Variants in FASLG observed in about 807,000 individuals in gnomAD.
The protein encoded by FASLG is Fas ligand, also known as tumor necrosis factor ligand superfamily member 6.
Under a neutral mutation model 24.6 loss-of-function variants are expected in FASLG, and 9 were observed. The ratio of observed to expected loss-of-function variants is 0.37; its 90% confidence interval spans 0.22 to 0.64. The LOEUF (loss-of-function observed/expected upper bound fraction) is 0.64, where lower values mean the gene tolerates loss of function less well. Among genes scored for constraint, FASLG ranks in the 30% least tolerant of loss-of-function variants. FASLG has a pLI of 0.64. For missense variants in FASLG, 306 were observed against 345.3 expected, an observed-to-expected ratio of 0.89 and a Z score of 0.90; for synonymous variants, 130 against 135.5, an observed-to-expected ratio of 0.96 and a Z score of 0.28.
Position 172,659,168 on chromosome 1 carries a change from C to G in FASLG, c.-34C>G, listed in dbSNP as rs752605458. On this transcript the variant is annotated 5_prime_UTR_variant, in exon 1 of 4. Transcript: ENST00000367721. The stretch of plus-strand genomic sequence containing the variant: ...CTACAGGACTGAGAAGAAGTAAAAC[C>G]GTTTGCTGGGGCTGGCCTGACTCAC... 2 of 1,613,890 alleles carry G rather than the reference C, an allele frequency of 1.2e-6. No homozygotes were observed. The highest frequency in any genetic ancestry group is 1.7e-6 in the Non-Finnish European group (2 of 1,179,936).
Position 172,659,188 on chromosome 1 carries a change from A to C in FASLG, c.-14A>C, listed in dbSNP as rs1327025096. 6 of 1,613,954 alleles carry C rather than the reference A, an allele frequency of 3.7e-6. No homozygotes were observed. The highest frequency in any genetic ancestry group is 4.2e-6 in the Non-Finnish European group (5 of 1,179,984). On this transcript the variant is annotated 5_prime_UTR_variant, in exon 1 of 4. Transcript: ENST00000367721. The stretch of plus-strand genomic sequence containing the variant: ...AAAACCGTTTGCTGGGGCTGGCCTG[A>C]CTCACCAGCTGCCATGCAGCAGCCC...
In FASLG at chr1:172,666,744, CTAAT is replaced by C. The variant is rs1223719285; in HGVS notation, c.*729_*732del. On this transcript the variant is annotated 3_prime_UTR_variant, in exon 4 of 4. Coordinates refer to ENST00000367721, the MANE Select transcript of FASLG (RefSeq NM_000639.3). ...TTTGAATGCTTCCTGACAATCAACT[CTAAT>C]AGTGCTTAAAAATCATTGATTGTCA... The C allele has an allele frequency of 6.6e-6, 1 of 152,460 alleles. No individual in the cohort carries two copies. The highest frequency in any genetic ancestry group is 1.5e-5 in the Non-Finnish European group (1 of 67,992). The allele number at this position is 152,460 out of a possible 1,614,324, so 9.4% of individuals were successfully genotyped here. A position where few individuals can be genotyped will look rare whatever the true frequency, so the allele number is the denominator to read the frequency against.
intron 2 of FASLG, among the ~76,000 whole-genome samples, chr1:172,662,563 G>A (rs544285203): frequency 6.7e-6 from 1 of 148,388 alleles, no homozygotes; most frequent in South Asian, 2.2e-4. Context: ...TTAAGGAGGT[G>A]TTGTTTACGC....
At chr1:172,663,478 G>A (rs1382223030) in intron 2 of FASLG, among the ~76,000 whole-genome samples, 4 of 152,124 alleles carry the variant, frequency 2.6e-5, no homozygotes, top group Non-Finnish European at 5.9e-5. Flanking sequence ...TAGTCCTTAT[G>A]GGATGTTTAG....
intron 3 of FASLG, 89 bp downstream of exon 3, chr1:172,664,479 G>A (rs1558234902): frequency 7.9e-7 from 1 of 1,264,644 alleles, no homozygotes; most frequent in South Asian, 1.2e-5. Flanking sequence ...AGGCTCTAGA[G>A]AGTTGTTACT....
intron 2 of FASLG, among the ~76,000 whole-genome samples, chr1:172,663,410 C>A (rs988610246): frequency 2.0e-5 from 3 of 152,028 alleles, no homozygotes; most frequent in Admixed American, 6.5e-5. Context: ...AAAAGAGGGG[C>A]AGATCATATT....
rs1279277307 is a variant in FASLG, at chr1:172,665,603, C to G, written c.452-19C>G. 2 of 1,609,758 alleles carry G rather than the reference C, an allele frequency of 1.2e-6. No individual in the cohort carries two copies. Among genetic ancestry groups the G allele is most frequent in the Non-Finnish European group, 1.7e-6 (2 of 1,179,976 alleles). On this transcript the variant is annotated intron_variant, in intron 3 of 3. Coordinates refer to ENST00000367721, the MANE Select transcript of FASLG (RefSeq NM_000639.3). The stretch of plus-strand genomic sequence containing the variant: ...GCATGACTATTCCTTGTTGAAAGCT[C>G]CTTTTGGATTTATTTCAGGCAAGTC...
At chr1:172,662,996 T>C (rs991784267) in intron 2 of FASLG, among the ~76,000 whole-genome samples, 17 of 152,164 alleles carry the variant, frequency 1.1e-4, no homozygotes, top group African/African-American at 4.1e-4. Context: ...GAGGTCATGA[T>C]TGCTCAGCTA....
rs750915314 is a variant in FASLG at position 172,660,126 on chromosome 1, T to C, written c.380T>C (p.Leu127Ser). The C allele has an allele frequency of 1.2e-6, 2 of 1,614,170 alleles. No homozygotes were observed. The highest frequency in any genetic ancestry group is 3.3e-5 in the Admixed American group (2 of 60,022). Residue 127 changes from leucine to serine, a missense_variant, in exon 2 of 4, where the codon TTG becomes TCG. By Grantham distance (145) the Leu-to-Ser change is moderately radical. Coordinates refer to ENST00000367721, the MANE Select transcript of FASLG (RefSeq NM_000639.3). ...AGCCAGATGCACACAGCATCATCTT[T>C]GGAGAAGCAAATAGGTGAGTCTTTT... ...STSQMHTASSLEKQIGHPSPP... is the reference protein window; with the variant it reads ...STSQMHTASSSEKQIGHPSPP...
chr1:172,660,837 G>T (rs1298333571), intron 2 of FASLG, among the ~76,000 whole-genome samples: 4 of 152,206 alleles, frequency 2.6e-5, no homozygotes, highest in African/African-American at 9.7e-5. Flanking sequence ...TGAAATTTCA[G>T]GGCATAGTTG....
At position 172,660,159 on chromosome 1, in the gene FASLG, G is replaced by A; in HGVS notation, c.394+19G>A. ...CAAATAGGTGAGTCTTTTTTCGCAT[G>A]TACATTGAGTTCCCAAAGATGATCC... On this transcript the variant is annotated intron_variant, in intron 2 of 3. Coordinates refer to ENST00000367721, the MANE Select transcript of FASLG (RefSeq NM_000639.3). 1 of 1,611,910 alleles carries A rather than the reference G, an allele frequency of 6.2e-7. No homozygotes were observed. The highest frequency in any genetic ancestry group is 8.5e-7 in the Non-Finnish European group (1 of 1,178,012).
chr1:172,662,021 T>A (rs999986055), intron 2 of FASLG, among the ~76,000 whole-genome samples: 1 of 152,090 alleles, frequency 6.6e-6, no homozygotes, highest in African/African-American at 2.4e-5. Context: ...TTATAATAAA[T>A]AATTCAGAAG....
At chr1:172,664,212 G>A (rs367868837) in intron 2 of FASLG, 122 bp from the exon 3 acceptor site, 2 of 1,001,736 alleles carry the variant, frequency 2.0e-6, no homozygotes, top group Admixed American at 2.1e-5. Context: ...ATTAGTATAT[G>A]TTAGACTGTT....
At position 172,665,925 on chromosome 1, in the gene FASLG, C is replaced by A; in HGVS notation, c.755C>A (p.Thr252Asn). Residue 252 changes from threonine (T) to asparagine (N), a missense_variant, in exon 4 of 4, where the codon ACC becomes AAC. By Grantham distance (65) the Thr-to-Asn change is moderately conservative. Coordinates refer to ENST00000367721, the MANE Select transcript of FASLG (RefSeq NM_000639.3). ...TACCTGGGGGCAGTGTTCAATCTTA[C>A]CAGTGCTGATCATTTATATGTCAAC... ...SSYLGAVFNL[T>N]SADHLYVNVS... is the part of the protein sequence containing the mutation. The A allele has an allele frequency of 6.2e-7, 1 of 1,613,270 alleles. No individual in the cohort carries two copies. Among genetic ancestry groups the A allele is most frequent in the Non-Finnish European group, 8.5e-7 (1 of 1,179,408 alleles).
At chr1:172,659,979 G>C (rs1659102497) in intron 1 of FASLG, 116 bp from the exon 2 acceptor site, 2 of 1,134,532 alleles carry the variant, frequency 1.8e-6, no homozygotes, top group Non-Finnish European at 1.3e-6. Flanking sequence ...CAAGTTAGCA[G>C]AACTTCTGAG....
chr1:172,663,856 G>A (rs1478833178), intron 2 of FASLG, among the ~76,000 whole-genome samples: 3 of 152,094 alleles, frequency 2.0e-5, no homozygotes, highest in Non-Finnish European at 4.4e-5. Flanking sequence ...TAAGTCTTTG[G>A]AACAAGAGAA....
In FASLG at chr1:172,659,482, T is replaced by C; in HGVS notation, c.281T>C (p.Leu94Ser). Residue 94 changes from leucine (L) to serine (S), a missense_variant, in exon 1 of 4, where the codon TTG becomes TCG. By Grantham distance (145) the Leu-to-Ser change is moderately radical. Coordinates refer to ENST00000367721, the MANE Select transcript of FASLG (RefSeq NM_000639.3). The part of the protein sequence containing the change: ...LVMFFMVLVA[L>S]VGLGLGMFQL... ...ATGTTTTTCATGGTTCTGGTTGCCT[T>C]GGTAGGATTGGGCCTGGGGATGTTT... 2 of 1,614,058 alleles carry C rather than the reference T, an allele frequency of 1.2e-6. No individual in the cohort carries two copies. Among genetic ancestry groups the C allele is most frequent in the Non-Finnish European group, 1.7e-6 (2 of 1,179,984 alleles).
At position 172,659,282 on chromosome 1, in the gene FASLG, C is replaced by T; in HGVS notation, c.81C>T (p.Gly27=). 1 of 1,614,152 alleles carries T rather than the reference C, an allele frequency of 6.2e-7. No individual in the cohort carries two copies. The highest frequency in any genetic ancestry group is 8.5e-7 in the Non-Finnish European group (1 of 1,180,010). Residue 27 remains glycine, a synonymous_variant, in exon 1 of 4, where the codon GGC becomes GGT. Coordinates refer to ENST00000367721, the MANE Select transcript of FASLG (RefSeq NM_000639.3). ...CCAGCTCTCCCTGGGCCCCTCCAGGCACAGTTCTTCCCTGTCCAACCTCTG... is the reference window on the plus strand; with the variant it reads ...CCAGCTCTCCCTGGGCCCCTCCAGGTACAGTTCTTCCCTGTCCAACCTCTG... ...SSASSPWAPP[G]TVLPCPTSVP...
chr1:172,664,259 T>A (rs767244050), intron 2 of FASLG, 75 bp from the exon 3 acceptor site: 71 of 1,488,006 alleles, frequency 4.8e-5, no homozygotes, highest in African/African-American at 1.1e-4. Context: ...TTTAAAATGA[T>A]TGGATTTAAA....
Sources: allele counts gnomAD v4.1 joint callset (sites outside exome capture counted in the v4.1 genomes callset), GRCh38; gene constraint gnomAD v4.1.1; transcripts MANE v1.5; gene names NCBI Gene and HGNC (gene_info 2026-07-23, HGNC 2026-07-21).